ADAM15: variants seen among roughly 807,000 people sequenced by gnomAD.
ADAM15 encodes the protein ADAM metallopeptidase domain 15.
Under a neutral mutation model 113.8 loss-of-function variants are expected in ADAM15, and 77 were observed. That is an observed-to-expected ratio of 0.68 (90% CI 0.56 to 0.82). ADAM15 has a LOEUF of 0.82. Ranked by LOEUF, ADAM15 falls within the 40% of genes least tolerant of loss-of-function variation. ADAM15 has a pLI of 0.00. For synonymous variants in ADAM15, 388 were observed against 454.1 expected, an observed-to-expected ratio of 0.85 and a Z score of 1.85; for missense variants, 963 against 1,120.1, an observed-to-expected ratio of 0.86 and a Z score of 2.00.
In ADAM15 at chr1:155,054,511, G is replaced by C. The variant is rs781273021; in HGVS notation, c.612+5G>C. On this transcript the variant is annotated splice_donor_5th_base_variant and intron_variant, in intron 6 of 22. Coordinates refer to ENST00000356955, the MANE Select transcript of ADAM15 (RefSeq NM_207197.3). Reference sequence around the variant, plus strand: ...GGACAGCGCCACATTCGCCGGGTGAGGATGAATGGCAGGGGGGTGGGCTTT... The same window carrying C: ...GGACAGCGCCACATTCGCCGGGTGACGATGAATGGCAGGGGGGTGGGCTTT... The C allele has an allele frequency of 6.4e-7, 1 of 1,560,262 alleles. No individual in the cohort carries two copies. Among genetic ancestry groups the C allele is most frequent in the Non-Finnish European group, 8.7e-7 (1 of 1,149,826 alleles).
Position 155,060,289 on chromosome 1 carries a change from G to T in ADAM15, c.2153G>T (p.Arg718Leu). 1 of 1,614,006 alleles carries T rather than the reference G, an allele frequency of 6.2e-7. No individual in the cohort carries two copies. The highest frequency in any genetic ancestry group is 1.1e-5 in the South Asian group (1 of 91,070). The change falls in exon 18 of 23, where the codon CGT becomes CTT. Residue 718 changes from arginine to leucine, a missense_variant. Transcript: ENST00000356955. ...LVMLGASYWY[R>L]ARLHQRLCQL... ...ATGCTTGGTGCCAGCTACTGGTACC[G>T]TGCCCGCCTGCACCAGCGACTCTGC...
chr1:155,061,381 C>G lies in ADAM15; in HGVS notation c.2278-34C>G, dbSNP rs191626133. On this transcript the variant is annotated intron_variant, in intron 19 of 22. Coordinates refer to ENST00000356955, the MANE Select transcript of ADAM15 (RefSeq NM_207197.3). ...CTCTGTCTCTCTGCTTCCTCTTCCC[C>G]CTCTGTGCCTATCTGCCCCTCCTGC... is the stretch of plus-strand genomic sequence containing the variant. 1.4e-3 allele frequency: 2,232 copies of G among 1,593,108 alleles called. 17 individuals carry two copies. The African/African-American group carries it at 0.027, about 19-fold the overall frequency.
intron 18 of ADAM15, 129 bp from the exon 19 acceptor site, chr1:155,060,634 C>T (rs1662442223): frequency 1.9e-6 from 2 of 1,081,004 alleles, no homozygotes; most frequent in Admixed American, 3.8e-5. Flanking sequence ...CCCACCCCGG[C>T]CCTACCACAA....
Position 155,062,171 on chromosome 1 carries a change from C to T in ADAM15, c.2425-74C>T. The stretch of plus-strand genomic sequence containing the variant: ...GTGCTGCCCCCAAGCTGGTGTTCCC[C>T]AGCACCAGTGCGTTGGGGGTGGGCA... On this transcript the variant is annotated intron_variant, in intron 21 of 22. Transcript: ENST00000356955. This position sits in a 1 kb window ranked among gnomAD's most constrained non-coding sequence, Gnocchi z 7.0. 1 of 1,446,232 alleles carries T rather than the reference C, an allele frequency of 6.9e-7. No homozygotes were observed. The highest frequency in any genetic ancestry group is 9.1e-7 in the Non-Finnish European group (1 of 1,097,088). The allele number at this position is 1,446,232 out of a possible 1,614,324, so 89.6% of individuals were successfully genotyped here.
rs1381184479 is a variant in ADAM15, at chr1:155,060,313, G to A, written c.2177G>A (p.Cys726Tyr). Residue 726 changes from cysteine (C) to tyrosine (Y), a missense_variant, in exon 18 of 23, where the codon TGC (cysteine) becomes TAC (tyrosine). Transcript: ENST00000356955. ...CGTGCCCGCCTGCACCAGCGACTCT[G>A]CCAGCTCAAGGGACCCACCTGCCAG... ...WYRARLHQRL[C>Y]QLKGPTCQYR... 6.2e-7 allele frequency: 1 copy of A among 1,614,110 alleles called. No individual in the cohort carries two copies. Among genetic ancestry groups the A allele is most frequent in the Non-Finnish European group, 8.5e-7 (1 of 1,180,012 alleles).
Position 155,061,439 on chromosome 1 carries a change from G to GC in ADAM15, c.2309dup (p.Ser771PhefsTer7), listed in dbSNP as rs758144914. On this transcript the variant is annotated frameshift_variant, in exon 20 of 23. Coordinates refer to ENST00000356955, the MANE Select transcript of ADAM15 (RefSeq NM_207197.3). LOFTEE classifies it high-confidence loss of function. ...GCAGGCTAGTGCTCTCAGCTTCCCG[G>GC]CCCCCCCTTCCAGGCCGCTGCCGCC... The GC allele has an allele frequency of 9.9e-6, 16 of 1,613,366 alleles. No homozygotes were observed. The highest frequency in any genetic ancestry group is 1.1e-5 in the Non-Finnish European group (13 of 1,179,752).
Position 155,058,672 on chromosome 1 carries a change from G to T in ADAM15, c.1918-38G>T. On this transcript the variant is annotated intron_variant, in intron 15 of 22. Transcript: ENST00000356955. This position sits in a 1 kb window ranked among gnomAD's most constrained non-coding sequence, Gnocchi z 4.3. ...GGCCTCCCAGTCCCATTAAAGCTTTGTGGGAATCTGATCCAGGCTCTTCTC... is the reference window on the plus strand; with the variant it reads ...GGCCTCCCAGTCCCATTAAAGCTTTTTGGGAATCTGATCCAGGCTCTTCTC... The T allele has an allele frequency of 6.2e-7, 1 of 1,600,846 alleles. No homozygotes were observed. The highest frequency in any genetic ancestry group is 8.5e-7 in the Non-Finnish European group (1 of 1,173,764).
Position 155,060,821 on chromosome 1 carries a change from C to T in ADAM15, c.2266C>T (p.Arg756Ter), listed in dbSNP as rs146997186. 4.3e-6 allele frequency: 7 copies of T among 1,611,724 alleles called. No individual in the cohort carries two copies. Among genetic ancestry groups the T allele is most frequent in the Non-Finnish European group, 5.1e-6 (6 of 1,179,912 alleles). Residue 756 changes from arginine to a stop codon, truncating the protein, a stop_gained, in exon 19 of 23, where the codon CGA (arginine) becomes TGA (stop). Coordinates refer to ENST00000356955, the MANE Select transcript of ADAM15 (RefSeq NM_207197.3). LOFTEE classifies it high-confidence loss of function. ...PGPPQRALLA[R>*]GTKQASALSF... ...ACCTCCGCAGAGGGCCCTGCTGGCA[C>T]GAGGCACTAAGGTGAGTCCTGGATG...
rs1662811346 is a variant in ADAM15 at position 155,062,642 on chromosome 1, A to G, written c.*140A>G. On this transcript the variant is annotated 3_prime_UTR_variant, in exon 23 of 23. Transcript: ENST00000356955. The surrounding 1 kb of genome is among the most constrained non-coding windows in gnomAD (Gnocchi z 7.0). ...CTCCGGGCACCGCCACGCGCTGTCA[A>G]GCAACACTCTGCGGACCTGCCGGCG... 8.2e-6 allele frequency: 10 copies of G among 1,225,318 alleles called. No homozygotes were observed. In the South Asian group the frequency reaches 1.4e-4, roughly 18 times the overall value. The allele number at this position is 1,225,318 out of a possible 1,614,324, so 75.9% of individuals were successfully genotyped here.
chr1:155,056,989 A>G lies in ADAM15; in HGVS notation c.1036A>G (p.Ile346Val), dbSNP rs768018320. The stretch of plus-strand genomic sequence containing the variant: ...CAGCATCCTGGGAGTCGCCTCCTCC[A>G]TAGCCCATGAGTTGGGCCACAGCCT... ...STSILGVASS[I>V]AHELGHSLGL... The change falls in exon 11 of 23, where the codon ATA (isoleucine) becomes GTA (valine). Residue 346 changes from isoleucine (I) to valine (V), a missense_variant. Physicochemically the swap from Ile to Val is conservative, Grantham distance 29 (BLOSUM62 3). Transcript: ENST00000356955. This position sits in a 1 kb window ranked among gnomAD's most constrained non-coding sequence, Gnocchi z 4.0. 3 of 1,598,528 alleles carry G rather than the reference A, an allele frequency of 1.9e-6. No homozygotes were observed. The highest frequency in any genetic ancestry group is 2.6e-6 in the Non-Finnish European group (3 of 1,172,302).
Position 155,055,974 on chromosome 1 carries a change from CT to C in ADAM15, c.719del (p.Leu240ArgfsTer14). Reference protein sequence around the residue: ...RDFQHLLNRTLEVALLLDTFF... With the variant: ...RDFQHLLNRTXEVALLLDTFF... ...CTTCCAGCACCTGCTAAACCGCACA[CT>C]GGAAGTGGCCCTCTTGCTGGACACA... On this transcript the variant is annotated frameshift_variant, in exon 8 of 23. Coordinates refer to ENST00000356955, the MANE Select transcript of ADAM15 (RefSeq NM_207197.3). LOFTEE classifies it high-confidence loss of function. 6.2e-7 allele frequency: 1 copy of C among 1,614,136 alleles called. No homozygotes were observed. The highest frequency in any genetic ancestry group is 8.5e-7 in the Non-Finnish European group (1 of 1,180,036).
intron 1 of ADAM15, 82 bp downstream of exon 1, chr1:155,051,547 C>A: frequency 7.6e-7 from 1 of 1,312,856 alleles, no homozygotes; most frequent in Non-Finnish European, 1.0e-6. Context: ...GGTAATGGGG[C>A]CGGACGGAGA....
chr1:155,062,375 A>C lies in ADAM15; in HGVS notation c.2549+6A>C, dbSNP rs1662771803. 1 of 1,594,690 alleles carries C rather than the reference A, an allele frequency of 6.3e-7. No homozygotes were observed. The highest frequency in any genetic ancestry group is 8.5e-7 in the Non-Finnish European group (1 of 1,170,408). On this transcript the variant is annotated splice_donor_region_variant and intron_variant, in intron 22 of 22. Coordinates refer to ENST00000356955, the MANE Select transcript of ADAM15 (RefSeq NM_207197.3). This position sits in a 1 kb window ranked among gnomAD's most constrained non-coding sequence, Gnocchi z 7.0. ...CCCCTAGTGGTACCCTCCAGGTAGG[A>C]GGAGCCCTGGGCATGGGTGGGCGGG...
Position 155,061,445 on chromosome 1 carries a change from C to T in ADAM15, c.2308C>T (p.Pro770Ser), listed in dbSNP as rs199706846. 42 of 1,613,758 alleles carry T rather than the reference C, an allele frequency of 2.6e-5. No homozygotes were observed. The highest frequency in any genetic ancestry group is 3.3e-5 in the Non-Finnish European group (39 of 1,179,912). Residue 770 changes from proline to serine, a missense_variant, in exon 20 of 23, where the codon CCT (proline) becomes TCT (serine). By Grantham distance (74) the Pro-to-Ser change is moderately conservative. Transcript: ENST00000356955. ...TAGTGCTCTCAGCTTCCCGGCCCCC[C>T]CTTCCAGGCCGCTGCCGCCTGACCC... ...QASALSFPAP[P>S]SRPLPPDPVS...
chr1:155,052,262 G>A (rs929311290), intron 1 of ADAM15: 3 of 532,794 alleles, frequency 5.6e-6, no homozygotes, highest in Non-Finnish European at 1.0e-5. Flanking sequence ...TGGCATCTCC[G>A]ATGTGAGCGA....
At chr1:155,053,776 C>T (rs1039096613) in intron 3 of ADAM15, 134 bp from the exon 4 acceptor site, 36 of 1,007,592 alleles carry the variant, frequency 3.6e-5, no homozygotes, top group African/African-American at 4.8e-5. Context: ...TTTGCTGCCC[C>T]GGGGTCAGGA....
In ADAM15 at chr1:155,062,512, A is replaced by G. The variant is rs1221640029; in HGVS notation, c.*10A>G. ...CTCGCTCTACCTCTGACCTCTCCGGAGGTTCCGCTGCCTCCAAGCCGGACT... is the reference window on the plus strand; with the variant it reads ...CTCGCTCTACCTCTGACCTCTCCGGGGGTTCCGCTGCCTCCAAGCCGGACT... On this transcript the variant is annotated 3_prime_UTR_variant, in exon 23 of 23. Transcript: ENST00000356955. This position sits in a 1 kb window ranked among gnomAD's most constrained non-coding sequence, Gnocchi z 7.0. The G allele has an allele frequency of 6.2e-7, 1 of 1,612,522 alleles. No homozygotes were observed. Among genetic ancestry groups the G allele is most frequent in the Admixed American group, 1.7e-5 (1 of 59,922 alleles).
In ADAM15 at chr1:155,055,872, C is replaced by T. The variant is rs569688532; in HGVS notation, c.675+20C>T. On this transcript the variant is annotated intron_variant, in intron 7 of 22. Coordinates refer to ENST00000356955, the MANE Select transcript of ADAM15 (RefSeq NM_207197.3). ...TCGGAGGTGAGCCTGCTGGCCCCTG[C>T]ACATCCTCCTCCCCCTGCACTGCCC... is the stretch of plus-strand genomic sequence containing the variant. The T allele has an allele frequency of 4.6e-5, 75 of 1,614,106 alleles. No homozygotes were observed. Among genetic ancestry groups the T allele is most frequent in the Non-Finnish European group, 5.6e-5 (66 of 1,180,044 alleles).
intron 16 of ADAM15, among the ~76,000 whole-genome samples, chr1:155,059,177 C>T (rs964066085): frequency 6.6e-6 from 1 of 152,144 alleles, no homozygotes; most frequent in Non-Finnish European, 1.5e-5. Flanking sequence ...AAACATTACT[C>T]ATGTCTCAGC....
Sources: gnomAD v4.1 joint callset for allele counts (sites outside exome capture counted in the v4.1 genomes callset) on GRCh38, gnomAD v4.1.1 for gene constraint, Gnocchi (gnomAD v3.1) non-coding constraint, MANE v1.5 for transcripts, NCBI Gene and HGNC (gene_info 2026-07-23, HGNC 2026-07-21) for gene names.